SCD5: variants seen among roughly 807,000 people sequenced by gnomAD.
SCD5 encodes stearoyl-CoA desaturase 5.
SCD5 carries 20 observed loss-of-function variants against 30.4 expected under a neutral mutation model. The observed-to-expected ratio is 0.66, with a 90% CI of 0.46 to 0.96. The LOEUF is 0.96. SCD5 is among the 40% of genes least tolerant of loss of function. The pLI is 0.00. For synonymous variants in SCD5, 173 were observed against 176.4 expected (o/e 0.98, Z 0.16); for missense variants, 381 against 443.3 (o/e 0.86, Z 1.26).
chr4:82,727,999 A>G (rs981009932), intron 1 of SCD5, among the ~76,000 whole-genome samples: 1 of 152,078 alleles, frequency 6.6e-6, no homozygotes, highest in Non-Finnish European at 1.5e-5. Flanking sequence ...ATGAGCCACC[A>G]TGCCCCACCT....
intron 1 of SCD5, among the ~76,000 whole-genome samples, chr4:82,786,917 A>G (rs941090148): frequency 2.0e-5 from 3 of 151,496 alleles, no homozygotes; most frequent in African/African-American, 7.3e-5. Context: ...AAGGTTTTAC[A>G]CAATGGCTAT....
chr4:82,632,282 G>A (rs866426103), intron 4 of SCD5, among the ~76,000 whole-genome samples: 119 of 150,214 alleles, frequency 7.9e-4, no homozygotes, highest in African/African-American at 2.4e-3. Flanking sequence ...GAGAACATGC[G>A]GTGTTTGGTT....
chr4:82,636,595 G>A lies in SCD5; in HGVS notation c.798C>T (p.Ala266=). The part of the protein sequence containing the change: ...PRQNPLVALG[A]IGEGFHNYHH... ...GCCCTCAACACCCCTACTCACCAAT[G>A]GCACCCAGAGCGACGAGTGGGTTCT... is the stretch of plus-strand genomic sequence containing the variant. The change falls in exon 4 of 5, where the codon GCC becomes GCT. Residue 266 remains alanine, a synonymous_variant. Transcript: ENST00000319540. The A allele has an allele frequency of 6.2e-7, 1 of 1,613,144 alleles. No homozygotes were observed. Among genetic ancestry groups the A allele is most frequent in the Non-Finnish European group, 8.5e-7 (1 of 1,179,544 alleles).
At chr4:82,721,568 T>C (rs1453567196) in intron 1 of SCD5, among the ~76,000 whole-genome samples, 2 of 152,136 alleles carry the variant, frequency 1.3e-5, no homozygotes, top group Non-Finnish European at 2.9e-5. Flanking sequence ...TAGTCCAGTG[T>C]GATTGATGTC....
intron 1 of SCD5, among the ~76,000 whole-genome samples, chr4:82,766,063 T>C (rs901031787): frequency 2.0e-5 from 3 of 152,270 alleles, no homozygotes; most frequent in Non-Finnish European, 4.4e-5. Flanking sequence ...TTTATTCTTG[T>C]GTACATTGGT....
intron 1 of SCD5, among the ~76,000 whole-genome samples, chr4:82,708,710 T>C (rs1306315766): frequency 1.3e-5 from 2 of 152,156 alleles, no homozygotes; most frequent in African/African-American, 4.8e-5. Flanking sequence ...GACCCCCTCC[T>C]GACTATATGA....
At chr4:82,637,921 T>C (rs1415573425) in intron 3 of SCD5, among the ~76,000 whole-genome samples, 1 of 152,100 alleles carries the variant, frequency 6.6e-6, no homozygotes, top group Non-Finnish European at 1.5e-5. Context: ...TGCAGGCTTG[T>C]CACATAGGGA....
chr4:82,685,554 A>T (rs1372492018), intron 2 of SCD5, among the ~76,000 whole-genome samples: 1 of 151,942 alleles, frequency 6.6e-6, no homozygotes, highest in Non-Finnish European at 1.5e-5. Context: ...CTCGACTAAA[A>T]ATACAAAAAT....
intron 1 of SCD5, among the ~76,000 whole-genome samples, chr4:82,755,635 A>C (rs533760133): frequency 6.6e-6 from 1 of 152,332 alleles, no homozygotes; most frequent in East Asian, 1.9e-4. Flanking sequence ...AGGCAGCATT[A>C]AACAATGCGC....
intron 1 of SCD5, among the ~76,000 whole-genome samples, chr4:82,778,382 A>G (rs1234207304): frequency 1.3e-5 from 2 of 152,248 alleles, no homozygotes; most frequent in Non-Finnish European, 2.9e-5. Flanking sequence ...ATGAACTGTC[A>G]CAAAGTTAGT....
chr4:82,712,278 A>ATATATACG (rs1720118832), intron 1 of SCD5, among the ~76,000 whole-genome samples: 1 of 45,112 alleles, frequency 2.2e-5, no homozygotes, highest in Non-Finnish European at 3.7e-5. Flanking sequence ...ATATATATAT[A>ATATATACG]TATATATATA....
At chr4:82,690,260 G>GT (rs1219953526) in intron 2 of SCD5, among the ~76,000 whole-genome samples, 1 of 152,132 alleles carries the variant, frequency 6.6e-6, no homozygotes, top group Non-Finnish European at 1.5e-5. Flanking sequence ...AAAAGAACAC[G>GT]TAAGAATGCA....
At chr4:82,746,381 A>G (rs1720982469) in intron 1 of SCD5, among the ~76,000 whole-genome samples, 1 of 152,204 alleles carries the variant, frequency 6.6e-6, no homozygotes, top group Admixed American at 6.5e-5. Flanking sequence ...GACTCCATAA[A>G]TGTGTCTTTC....
chr4:82,718,602 T>C (rs1720285048), intron 1 of SCD5, among the ~76,000 whole-genome samples: 1 of 151,788 alleles, frequency 6.6e-6, no homozygotes, highest in African/African-American at 2.4e-5. Flanking sequence ...GTTGTTGTTA[T>C]CACAATGTTT....
intron 2 of SCD5, among the ~76,000 whole-genome samples, chr4:82,701,507 T>C (rs1719840124): frequency 7.0e-6 from 1 of 143,416 alleles, no homozygotes; most frequent in Non-Finnish European, 1.5e-5. Flanking sequence ...CAGAGAGGAT[T>C]AAAAAAAAAA....
At chr4:82,637,540 T>C (rs1278653217) in intron 3 of SCD5, among the ~76,000 whole-genome samples, 3 of 152,240 alleles carry the variant, frequency 2.0e-5, no homozygotes, top group Admixed American at 2.0e-4. Flanking sequence ...AAAGACAAGT[T>C]AGGTGAAGCC....
At chr4:82,703,420 T>G (rs760474992) in intron 2 of SCD5, among the ~76,000 whole-genome samples, 3 of 152,244 alleles carry the variant, frequency 2.0e-5, no homozygotes, top group African/African-American at 7.2e-5. Flanking sequence ...TTGGTACTTT[T>G]TATTCATTAT....
intron 1 of SCD5, among the ~76,000 whole-genome samples, chr4:82,770,951 G>GT (rs979159683): frequency 2.0e-5 from 3 of 152,060 alleles, no homozygotes; most frequent in Non-Finnish European, 4.4e-5. Context: ...CTGGTTTATT[G>GT]TTTTTTTGTT....
At chr4:82,704,847 G>A (rs1237914931) in intron 2 of SCD5, among the ~76,000 whole-genome samples, 5 of 152,122 alleles carry the variant, frequency 3.3e-5, no homozygotes, top group Non-Finnish European at 7.4e-5. Context: ...ATATGATTTG[G>A]GCAGGTTCTT....
Sources: gnomAD v4.1 joint callset for allele counts (sites outside exome capture counted in the v4.1 genomes callset) on GRCh38, gnomAD v4.1.1 for gene constraint, MANE v1.5 for transcripts, NCBI Gene and HGNC (gene_info 2026-07-23, HGNC 2026-07-21) for gene names.